SH3RF3: variants seen among roughly 807,000 people sequenced by gnomAD.
SH3RF3 encodes SH3 domain containing ring finger 3, also known as E3 ubiquitin-protein ligase SH3RF3.
SH3RF3 carries 29 observed loss-of-function variants against 66.3 expected under a neutral mutation model. The ratio of observed to expected loss-of-function variants is 0.44; its 90% CI spans 0.33 to 0.60. The LOEUF (loss-of-function observed/expected upper bound fraction) is 0.60, where lower values mean the gene tolerates loss of function less well. Among genes scored for constraint, SH3RF3 ranks in the 20% least tolerant of loss-of-function variants. SH3RF3 has a pLI of 0.04. For synonymous variants in SH3RF3, 583 were observed against 532.0 expected, an observed-to-expected ratio of 1.10 and a Z score of -1.32; for missense variants, 1,194 against 1,190.9, an observed-to-expected ratio of 1.00 and a Z score of -0.04.
At chr2:109,363,791 C>A (rs1250552093) in intron 2 of SH3RF3, among the ~76,000 whole-genome samples, 1 of 152,212 alleles carries the variant, frequency 6.6e-6, no homozygotes, top group Non-Finnish European at 1.5e-5. Context: ...ACTCCACTCT[C>A]TTGCTTGCAT....
chr2:109,265,642 C>T (rs547291955), intron 1 of SH3RF3, among the ~76,000 whole-genome samples: 6 of 152,336 alleles, frequency 3.9e-5, no homozygotes, highest in South Asian at 2.1e-4. Flanking sequence ...AGGTGGCCAA[C>T]GCTGAAACAG....
chr2:109,240,878 ATCTC>A (rs370916478), intron 1 of SH3RF3, among the ~76,000 whole-genome samples: 1 of 113,650 alleles, frequency 8.8e-6, no homozygotes. Flanking sequence ...ACTTGATTCC[ATCTC>A]TCTCTCTCTG....
chr2:109,166,459 G>A (rs368121593), intron 1 of SH3RF3, among the ~76,000 whole-genome samples: 59 of 134,278 alleles, frequency 4.4e-4, no homozygotes, highest in East Asian at 8.6e-4. Context: ...CCTGGTGACA[G>A]AAAAAAAAAA....
chr2:109,472,822 C>T (rs1037352232), intron 8 of SH3RF3, among the ~76,000 whole-genome samples: 17 of 152,200 alleles, frequency 1.1e-4, no homozygotes, highest in Admixed American at 6.5e-5. Context: ...ATCCAACACA[C>T]AGCAAAGTTA....
intron 1 of SH3RF3, among the ~76,000 whole-genome samples, chr2:109,130,719 C>T (rs1282077051): frequency 6.6e-6 from 1 of 152,196 alleles, no homozygotes; most frequent in African/African-American, 2.4e-5. Context: ...CCAAGGTCTT[C>T]TCCTGGGCTC....
At chr2:109,492,617 C>T (rs981526876) in intron 9 of SH3RF3, among the ~76,000 whole-genome samples, 1 of 152,156 alleles carries the variant, frequency 6.6e-6, no homozygotes, top group African/African-American at 2.4e-5. Flanking sequence ...ATCAGTTATC[C>T]TCGTTTTACA....
chr2:109,370,092 CCTGA>C (rs1683234163), intron 2 of SH3RF3, among the ~76,000 whole-genome samples: 1 of 152,186 alleles, frequency 6.6e-6, no homozygotes, highest in Non-Finnish European at 1.5e-5. Flanking sequence ...CCATGATGCA[CCTGA>C]CTGCCGAAGG....
chr2:109,136,189 A>G (rs1030836863), intron 1 of SH3RF3, among the ~76,000 whole-genome samples: 2 of 151,964 alleles, frequency 1.3e-5, no homozygotes, highest in Non-Finnish European at 2.9e-5. Flanking sequence ...TTTAATCTCT[A>G]TCTTTTACAG....
chr2:109,278,427 G>T (rs1392601455), intron 1 of SH3RF3, among the ~76,000 whole-genome samples: 1 of 152,146 alleles, frequency 6.6e-6, no homozygotes, highest in Non-Finnish European at 1.5e-5. Context: ...CTAACTTGGT[G>T]TTCAGTGTTG....
chr2:109,382,571 C>T (rs1205038245), intron 3 of SH3RF3, among the ~76,000 whole-genome samples: 1 of 152,200 alleles, frequency 6.6e-6, no homozygotes, highest in African/African-American at 2.4e-5. Context: ...GCCCCTCTGT[C>T]ACCCCACACA....
At chr2:109,185,128 A>G (rs1678156577) in intron 1 of SH3RF3, among the ~76,000 whole-genome samples, 1 of 152,216 alleles carries the variant, frequency 6.6e-6, no homozygotes, top group African/African-American at 2.4e-5. Context: ...ATTCATTTGT[A>G]GACAGTTTGG....
At chr2:109,133,344 T>G (rs1676739768) in intron 1 of SH3RF3, among the ~76,000 whole-genome samples, 1 of 152,254 alleles carries the variant, frequency 6.6e-6, no homozygotes. Flanking sequence ...CTTCTGTGTC[T>G]CTTTGACAAT....
rs1351437528 is a variant in SH3RF3 at position 109,432,390 on chromosome 2, G to T, written c.1404-111G>T. The T allele has an allele frequency of 9.6e-6, 13 of 1,359,976 alleles. No homozygotes were observed. In the Admixed American group the frequency reaches 1.0e-4, roughly 11 times the overall value. 84.2% of individuals were successfully genotyped at this position (1,359,976 alleles called of 1,614,324 possible). On this transcript the variant is annotated intron_variant, in intron 5 of 9. Transcript: ENST00000309415. ...CTGCAGAGCCCCCATAGACTCTAGT[G>T]GGTCTTTTTAGGTTGGGTTCCTCCA...
intron 1 of SH3RF3, among the ~76,000 whole-genome samples, chr2:109,200,320 G>T (rs954866485): frequency 6.6e-6 from 1 of 152,144 alleles, no homozygotes; most frequent in East Asian, 1.9e-4. Flanking sequence ...AGACCCTGCC[G>T]CAGAACTCAC....
intron 6 of SH3RF3, among the ~76,000 whole-genome samples, chr2:109,434,492 G>C (rs1053890475): frequency 2.0e-5 from 3 of 152,228 alleles, no homozygotes; most frequent in Non-Finnish European, 2.9e-5. Context: ...AACTCCTGAC[G>C]TGTGTCAGTC....
chr2:109,346,712 C>G (rs1184116470), intron 1 of SH3RF3, among the ~76,000 whole-genome samples: 1 of 152,094 alleles, frequency 6.6e-6, no homozygotes, highest in Non-Finnish European at 1.5e-5. Flanking sequence ...CTCCTTATTG[C>G]TGACAAGCAG....
chr2:109,237,844 C>T (rs1679684872), intron 1 of SH3RF3, among the ~76,000 whole-genome samples: 1 of 151,898 alleles, frequency 6.6e-6, no homozygotes, highest in South Asian at 2.1e-4. Flanking sequence ...TAAAATAAAG[C>T]AAAAAATGAA....
intron 8 of SH3RF3, among the ~76,000 whole-genome samples, chr2:109,474,134 C>T (rs147502397): frequency 1.2e-3 from 181 of 152,254 alleles, no homozygotes; most frequent in African/African-American, 3.7e-3. Context: ...GTTCAGAAGA[C>T]GCAGGTGGCC....
intron 1 of SH3RF3, among the ~76,000 whole-genome samples, chr2:109,175,993 C>T: frequency 6.6e-6 from 1 of 152,128 alleles, no homozygotes. Context: ...CAGAAAAGAT[C>T]CACGTGGTCT....
Sources: allele counts gnomAD v4.1 joint callset (sites outside exome capture counted in the v4.1 genomes callset), GRCh38; gene constraint gnomAD v4.1.1; transcripts MANE v1.5; gene names NCBI Gene and HGNC (gene_info 2026-07-23, HGNC 2026-07-21).